TMEM50B: variants seen among roughly 807,000 people sequenced by gnomAD.
TMEM50B encodes the protein transmembrane protein 50B, also known as HCV p7-trans-regulated protein 3.
A neutral mutation model predicts 23.4 loss-of-function variants in TMEM50B; 14 were observed. The observed-to-expected ratio is 0.60, with a 90% CI of 0.39 to 0.93. The LOEUF is 0.93. Among genes scored for constraint, TMEM50B ranks in the 40% least tolerant of loss-of-function variants. TMEM50B has a pLI of 0.00. For missense variants in TMEM50B, 159 were observed against 193.0 expected (o/e 0.82, Z 1.04); for synonymous variants, 64 against 62.3 (o/e 1.03, Z -0.13).
At chr21:33,438,298 T>C (rs1313366703) in intron 8 of TMEM50B, among the ~76,000 whole-genome samples, 1 of 152,098 alleles carries the variant, frequency 6.6e-6, no homozygotes. Context: ...GTCTCAAAAA[T>C]ATAAAAGTTA....
At chr21:33,439,621 CCGCT>C (rs2083990570) in intron 7 of TMEM50B, among the ~76,000 whole-genome samples, 1 of 151,674 alleles carries the variant, frequency 6.6e-6, no homozygotes. Flanking sequence ...CTCAGGTGAT[CCGCT>C]CACCTCAGCC....
At chr21:33,464,804 CAAAA>C (rs59855166) in intron 4 of TMEM50B, among the ~76,000 whole-genome samples, 5 of 100,892 alleles carry the variant, frequency 5.0e-5, no homozygotes, top group Non-Finnish European at 8.9e-5. Context: ...AACTCCGTCT[CAAAA>C]AAAAAAAAAA....
At position 33,467,284 on chromosome 21, in the gene TMEM50B, G is replaced by C. The variant is rs536254665; in HGVS notation, c.100-162C>G. 4.3e-5 allele frequency: 26 copies of C among 603,962 alleles called. No homozygotes were observed. In the South Asian group the frequency reaches 4.9e-4, roughly 11 times the overall value. 37.4% of individuals were successfully genotyped at this position (603,962 alleles called of 1,614,324 possible). A position where few individuals can be genotyped will look rare whatever the true frequency, so the allele number is the denominator to read the frequency against. ...GGAGGCCAAGGCAGGTGGATTACTT[G>C]AGGTCAGGAGTTCAAGCCTGGTCAT... On this transcript the variant is annotated intron_variant, in intron 2 of 6. Coordinates refer to ENST00000542230, the MANE Select transcript of TMEM50B (RefSeq NM_006134.7).
intron 1 of TMEM50B, among the ~76,000 whole-genome samples, chr21:33,476,443 C>T (rs1218636249): frequency 6.6e-6 from 1 of 152,056 alleles, no homozygotes; most frequent in African/African-American, 2.4e-5. Flanking sequence ...ATAGATTTAG[C>T]TACTGCTTTT....
At chr21:33,470,940 T>C (rs969899343) in intron 1 of TMEM50B, among the ~76,000 whole-genome samples, 5 of 152,038 alleles carry the variant, frequency 3.3e-5, no homozygotes, top group Admixed American at 2.0e-4. Context: ...CTGTTCCCCT[T>C]AGGAACCCCA....
At chr21:33,466,832 C>G (rs2084268367) in intron 3 of TMEM50B, among the ~76,000 whole-genome samples, 178 bp downstream of exon 3, 1 of 151,010 alleles carries the variant, frequency 6.6e-6, no homozygotes, top group African/African-American at 2.4e-5. Flanking sequence ...GATATATGAC[C>G]AAATCCAACA....
intron 4 of TMEM50B, among the ~76,000 whole-genome samples, chr21:33,462,805 C>T (rs951681247): frequency 3.9e-5 from 6 of 152,152 alleles, no homozygotes; most frequent in Non-Finnish European, 5.9e-5. Context: ...CTTTACCTTC[C>T]CTCATTCCTG....
chr21:33,477,687 G>A (rs1291649964), intron 1 of TMEM50B, among the ~76,000 whole-genome samples: 3 of 150,810 alleles, frequency 2.0e-5, no homozygotes, highest in Non-Finnish European at 2.9e-5. Context: ...GCGGGCGCCT[G>A]TAATCCCAGT....
In TMEM50B at chr21:33,465,375, C is replaced by T. The variant is rs766507163; in HGVS notation, c.247G>A (p.Asp83Asn). 3.1e-6 allele frequency: 5 copies of T among 1,613,078 alleles called. No individual in the cohort carries two copies. Among genetic ancestry groups the T allele is most frequent in the African/African-American group, 1.3e-5 (1 of 74,894 alleles). Reference protein sequence around the residue: ...NAVSNAQVRGDSYESGCLGRT... With the variant: ...NAVSNAQVRGNSYESGCLGRT... ...CCTAAACAGCCGCTTTCATAGCTAT[C>T]ACCTCTCACCTGAGCATTGGATACA... The change falls in exon 4 of 7, where the codon GAT becomes AAT. Residue 83 changes from aspartate (D) to asparagine (N), a missense_variant. Asp to Asn is a conservative substitution (Grantham distance 23, BLOSUM62 1). Coordinates refer to ENST00000542230, the MANE Select transcript of TMEM50B (RefSeq NM_006134.7).
rs548713683 is a variant in TMEM50B at position 33,451,458 on chromosome 21, G to T, written c.432-595C>A. 3.7e-4 allele frequency among the ~76,000 whole-genome samples: 57 copies of T among 152,282 alleles called. 1 individual carries two copies. The highest frequency in any genetic ancestry group is 1.2e-3 in the South Asian group (6 of 4,826). ...CCACCTATAAAAAAATGCTATAAAT[G>T]AGAGGTGCACAGTATCCTCAGAGTG... On this transcript the variant is annotated intron_variant, in intron 6 of 6. Coordinates refer to ENST00000542230, the MANE Select transcript of TMEM50B (RefSeq NM_006134.7).
chr21:33,465,586 T>C (rs2084258334), intron 3 of TMEM50B, among the ~76,000 whole-genome samples, 177 bp from the exon 4 acceptor site: 1 of 152,234 alleles, frequency 6.6e-6, no homozygotes, highest in South Asian at 2.1e-4. Flanking sequence ...ACATTAGTCT[T>C]ATTTTCATAA....
chr21:33,459,655 G>C lies in TMEM50B; in HGVS notation c.373+758C>G, dbSNP rs577395719. 2.3e-5 allele frequency among the ~76,000 whole-genome samples: 3 copies of C among 130,592 alleles called. No individual in the cohort carries two copies. In the East Asian group the frequency reaches 6.9e-4, roughly 30 times the overall value. The allele number at this position is 130,592 out of a possible 152,430, so 85.7% of individuals were successfully genotyped here. On this transcript the variant is annotated intron_variant, in intron 5 of 6. Transcript: ENST00000542230. ...TGCACTCCATCCTGGGTGACAGAGT[G>C]AGACTCCGTCTCAAAAAAAAAAAAA...
chr21:33,456,450 G>A (rs545127829), intron 5 of TMEM50B, among the ~76,000 whole-genome samples: 1 of 152,052 alleles, frequency 6.6e-6, no homozygotes, highest in African/African-American at 2.4e-5. Flanking sequence ...AATCTATCCT[G>A]GAGGAAATGG....
intron 6 of TMEM50B, among the ~76,000 whole-genome samples, chr21:33,455,313 C>T (rs767984749): frequency 2.6e-5 from 4 of 152,022 alleles, no homozygotes; most frequent in Non-Finnish European, 5.9e-5. Context: ...ACCTCAGCCT[C>T]TTGAGTAGCT....
At chr21:33,453,665 C>T (rs2084142872) in intron 6 of TMEM50B, among the ~76,000 whole-genome samples, 1 of 152,004 alleles carries the variant, frequency 6.6e-6, no homozygotes, top group Non-Finnish European at 1.5e-5. Flanking sequence ...GACCACAGTA[C>T]ATCGTAATCA....
intron 1 of TMEM50B, among the ~76,000 whole-genome samples, chr21:33,470,317 C>A (rs1447252410): frequency 2.8e-5 from 4 of 143,390 alleles, no homozygotes. Context: ...ACTAAAAATA[C>A]AAAAATCTGA....
At chr21:33,461,108 A>T (rs575121472) in intron 4 of TMEM50B, among the ~76,000 whole-genome samples, 1 of 152,224 alleles carries the variant, frequency 6.6e-6, no homozygotes, top group Non-Finnish European at 1.5e-5. Context: ...TAGATTCAAC[A>T]TATTTTTAGG....
At chr21:33,461,158 A>G (rs1215841790) in intron 4 of TMEM50B, among the ~76,000 whole-genome samples, 2 of 152,238 alleles carry the variant, frequency 1.3e-5, no homozygotes, top group African/African-American at 2.4e-5. Context: ...GTTCACAGGT[A>G]TACTGACAGC....
At chr21:33,455,662 C>T (rs903130337) in intron 6 of TMEM50B, 65 bp downstream of exon 6, 2 of 1,313,692 alleles carry the variant, frequency 1.5e-6, no homozygotes. Flanking sequence ...CATATATATG[C>T]TGCCTTAATT....
Sources: gnomAD v4.1 joint callset for allele counts (sites outside exome capture counted in the v4.1 genomes callset) on GRCh38, gnomAD v4.1.1 for gene constraint, MANE v1.5 for transcripts, NCBI Gene and HGNC (gene_info 2026-07-23, HGNC 2026-07-21) for gene names.